The following LIPI variants were observed in gnomAD, a reference collection of about 807,000 sequenced individuals.
LIPI encodes lipase I, also known as lipase member I.
Under a neutral mutation model 50.6 loss-of-function variants are expected in LIPI, and 59 were observed. The ratio of observed to expected loss-of-function variants is 1.16; its 90% confidence interval spans 0.94 to 1.45. The LOEUF is 1.45. Ranked by LOEUF, LIPI falls within the 40% of genes most tolerant of loss-of-function variation. LIPI has a pLI of 0.00. For synonymous variants in LIPI, 203 were observed against 178.2 expected, an observed-to-expected ratio of 1.14 and a Z score of -1.11; for missense variants, 586 against 536.3, an observed-to-expected ratio of 1.09 and a Z score of -0.92.
intron 8 of LIPI, among the ~76,000 whole-genome samples, chr21:14,146,346 A>G (rs1310150208): frequency 1.3e-5 from 2 of 152,140 alleles, no homozygotes; most frequent in Non-Finnish European, 2.9e-5. Flanking sequence ...AAATGGCATC[A>G]CCACCTATTA....
chr21:14,119,563 C>T (rs568841625), intron 9 of LIPI, among the ~76,000 whole-genome samples: 2 of 152,250 alleles, frequency 1.3e-5, no homozygotes, highest in Middle Eastern at 6.8e-3. Flanking sequence ...CCTAGCAAAA[C>T]CTTTATATGA....
chr21:14,166,337 T>C, intron 5 of LIPI, 25 bp downstream of exon 5: 1 of 1,202,932 alleles, frequency 8.3e-7, no homozygotes, highest in Non-Finnish European at 1.2e-6. Context: ...ATTATGTAGT[T>C]CATTCAAAAA....
intron 7 of LIPI, among the ~76,000 whole-genome samples, chr21:14,154,029 T>G (rs191608470): frequency 2.6e-5 from 4 of 152,240 alleles, no homozygotes; most frequent in Non-Finnish European, 5.9e-5. Flanking sequence ...AGGGGAACTT[T>G]GAAGAAGAGC....
intron 1 of LIPI, among the ~76,000 whole-genome samples, chr21:14,190,229 A>T (rs937488387): frequency 5.3e-5 from 8 of 152,252 alleles, no homozygotes; most frequent in South Asian, 2.1e-4. Context: ...TAACTAAACC[A>T]GATGAATAGC....
At chr21:14,175,517 GTATT>G (rs1210597909) in intron 4 of LIPI, among the ~76,000 whole-genome samples, 1 of 151,770 alleles carries the variant, frequency 6.6e-6, no homozygotes, top group African/African-American at 2.4e-5. Flanking sequence ...CATTCTTAAA[GTATT>G]TATAACAGTC....
intron 9 of LIPI, among the ~76,000 whole-genome samples, chr21:14,135,346 A>G (rs1410933365): frequency 2.6e-5 from 4 of 152,116 alleles, no homozygotes; most frequent in African/African-American, 9.7e-5. Flanking sequence ...ATAACCAAAA[A>G]ATCAGATGAG....
At chr21:14,167,109 G>T (rs1282266954) in intron 4 of LIPI, among the ~76,000 whole-genome samples, 1 of 152,174 alleles carries the variant, frequency 6.6e-6, no homozygotes, top group Non-Finnish European at 1.5e-5. Context: ...CTCACTGATG[G>T]CTAGCACAGC....
chr21:14,128,491 A>G (rs1237026045), intron 9 of LIPI, among the ~76,000 whole-genome samples: 3 of 152,096 alleles, frequency 2.0e-5, no homozygotes, highest in Non-Finnish European at 4.4e-5. Flanking sequence ...TAGAGAGGAT[A>G]CCTCATAGAT....
chr21:14,115,584 C>CT (rs2016597561), intron 9 of LIPI, among the ~76,000 whole-genome samples: 2 of 152,140 alleles, frequency 1.3e-5, no homozygotes, highest in South Asian at 4.1e-4. Context: ...TCTCCTTTGC[C>CT]TATGGGTTAG....
At position 14,201,213 on chromosome 21, in the gene LIPI, C is replaced by T. The variant is rs1044526332; in HGVS notation, c.46+9587G>A. The stretch of plus-strand genomic sequence containing the variant: ...AACATAGACACAGGCTAAGATTTCA[C>T]GACAAAGACACCAAACGCAATTGCA... On this transcript the variant is annotated intron_variant, in intron 1 of 9. Transcript: ENST00000681601. 6.6e-5 allele frequency among the ~76,000 whole-genome samples: 10 copies of T among 151,988 alleles called. No homozygotes were observed. The East Asian group carries it at 9.6e-4, about 15-fold the overall frequency.
At chr21:14,153,964 T>C (rs1180775019) in intron 7 of LIPI, among the ~76,000 whole-genome samples, 1 of 152,198 alleles carries the variant, frequency 6.6e-6, no homozygotes, top group Non-Finnish European at 1.5e-5. Context: ...TACATTAAAA[T>C]GCTTCAGGAT....
intron 3 of LIPI, among the ~76,000 whole-genome samples, chr21:14,183,774 A>G (rs1270887935): frequency 1.3e-5 from 2 of 152,212 alleles, no homozygotes; most frequent in Non-Finnish European, 2.9e-5. Flanking sequence ...AACCACAATG[A>G]GATACCATCT....
chr21:14,131,865 G>GA (rs1250804609), intron 9 of LIPI, among the ~76,000 whole-genome samples: 1 of 151,656 alleles, frequency 6.6e-6, no homozygotes, highest in Non-Finnish European at 1.5e-5. Context: ...TTTCTTGAAA[G>GA]AAAAAAAGCA....
chr21:14,180,697 G>A (rs1195356224), intron 4 of LIPI, among the ~76,000 whole-genome samples: 1 of 152,164 alleles, frequency 6.6e-6, no homozygotes, highest in Non-Finnish European at 1.5e-5. Context: ...GACTTCTTTG[G>A]TTTTGACTGC....
intron 8 of LIPI, among the ~76,000 whole-genome samples, chr21:14,149,360 G>T (rs185456676): frequency 6.6e-6 from 1 of 152,116 alleles, no homozygotes; most frequent in African/African-American, 2.4e-5. Context: ...ACCTGGTCCC[G>T]CCCTTGACAG....
chr21:14,170,475 G>A (rs1438610034), intron 4 of LIPI, among the ~76,000 whole-genome samples: 2 of 152,042 alleles, frequency 1.3e-5, no homozygotes, highest in African/African-American at 2.4e-5. Flanking sequence ...ATAAAATACT[G>A]GCAAACCGAA....
At chr21:14,145,893 C>T (rs1000719076) in intron 8 of LIPI, among the ~76,000 whole-genome samples, 1 of 152,054 alleles carries the variant, frequency 6.6e-6, no homozygotes, top group Admixed American at 6.6e-5. Flanking sequence ...AGTTAGACAC[C>T]AGAAAAAGGA....
chr21:14,110,618 C>T (rs2016365961), intron 9 of LIPI, among the ~76,000 whole-genome samples: 1 of 151,830 alleles, frequency 6.6e-6, no homozygotes, highest in Non-Finnish European at 1.5e-5. Flanking sequence ...TGACCAACAT[C>T]TCCTTAACAC....
intron 7 of LIPI, among the ~76,000 whole-genome samples, chr21:14,159,190 A>G (rs1481391161): frequency 6.6e-6 from 1 of 151,466 alleles, no homozygotes; most frequent in Non-Finnish European, 1.5e-5. Context: ...CCAAAACCAG[A>G]CAAAGACAAT....
Sources: allele counts gnomAD v4.1 joint callset (sites outside exome capture counted in the v4.1 genomes callset), GRCh38; gene constraint gnomAD v4.1.1; transcripts MANE v1.5; gene names NCBI Gene and HGNC (gene_info 2026-07-23, HGNC 2026-07-21).